SHKBP1: variants seen among roughly 807,000 people sequenced by gnomAD.
The protein encoded by SHKBP1 is SH3KBP1-binding protein 1.
SHKBP1 carries 71 observed loss-of-function variants against 83.9 expected under a neutral mutation model. The ratio of observed to expected loss-of-function variants is 0.85; its 90% CI spans 0.70 to 1.03. The LOEUF (loss-of-function observed/expected upper bound fraction) is 1.03, where lower values mean the gene tolerates loss of function less well. SHKBP1 is among the 50% of genes least tolerant of loss of function. SHKBP1 has a pLI of 0.00. For missense variants in SHKBP1, 824 were observed against 982.4 expected, an observed-to-expected ratio of 0.84 and a Z score of 2.16; for synonymous variants, 371 against 398.0, an observed-to-expected ratio of 0.93 and a Z score of 0.81.
In SHKBP1 at chr19:40,588,671, C is replaced by T; in HGVS notation, c.1384C>T (p.Arg462Cys). ...HVRTWSVTRF[R>C]GMISTQPGST... ...GCGGACATGGTCTGTGACTCGCTTC[C>T]GCGGCATGATTTCCACCCAGCCCGG... The change falls in exon 14 of 18, where the codon CGC becomes TGC. Residue 462 changes from arginine (R) to cysteine (C), a missense_variant. Transcript: ENST00000291842. 1 of 1,614,176 alleles carries T rather than the reference C, an allele frequency of 6.2e-7. No homozygotes were observed. The highest frequency in any genetic ancestry group is 8.5e-7 in the Non-Finnish European group (1 of 1,180,022).
chr19:40,590,242 A>G lies in SHKBP1; in HGVS notation c.1590-2A>G, dbSNP rs1290783909. 1.3e-6 allele frequency: 2 copies of G among 1,577,944 alleles called. No individual in the cohort carries two copies. The highest frequency in any genetic ancestry group is 2.3e-5 in the East Asian group (1 of 43,130). On this transcript the variant is annotated splice_acceptor_variant, in intron 15 of 17. Coordinates refer to ENST00000291842, the MANE Select transcript of SHKBP1 (RefSeq NM_138392.4). LOFTEE classifies it high-confidence loss of function. The surrounding 1 kb of genome is among the most constrained non-coding windows in gnomAD (Gnocchi z 4.6). Reference sequence around the variant, plus strand: ...GACCACCTCCCCCACTGCACCCCCCAGGGTGTGCTCCGTGCGCTCCGTGGA... The same window carrying G: ...GACCACCTCCCCCACTGCACCCCCCGGGGTGTGCTCCGTGCGCTCCGTGGA...
rs2146000775 is a variant in SHKBP1 at position 40,590,977 on chromosome 19, C to T, written c.1894C>T (p.Leu632Phe). Reference protein sequence around the residue: ...SPSPRISLTSLHSASSNTSLS... With the variant: ...SPSPRISLTSFHSASSNTSLS... ...CACTTACTGTCCTTACTTCCTCAGC[C>T]TCCACTCAGCCTCCAGCAACACCTC... Residue 632 changes from leucine to phenylalanine, a missense_variant and splice_region_variant, in exon 18 of 18, where the codon CTC (leucine) becomes TTC (phenylalanine). Physicochemically the swap from Leu to Phe is conservative, Grantham distance 22. Around this residue, in one of 3 missense-constraint regions of SHKBP1, gnomAD observed 287 missense variants for 322.9 expected, o/e 0.89. Coordinates refer to ENST00000291842, the MANE Select transcript of SHKBP1 (RefSeq NM_138392.4). The surrounding 1 kb of genome is among the most constrained non-coding windows in gnomAD (Gnocchi z 4.6). The T allele has an allele frequency of 6.2e-7, 1 of 1,601,918 alleles. No homozygotes were observed. Among genetic ancestry groups the T allele is most frequent in the East Asian group, 2.2e-5 (1 of 44,474 alleles).
Position 40,586,925 on chromosome 19 carries a change from G to A in SHKBP1, c.1317G>A (p.Ser439=), listed in dbSNP as rs541124541. The A allele has an allele frequency of 2.1e-5, 33 of 1,604,222 alleles. No individual in the cohort carries two copies. In the South Asian group the frequency reaches 2.8e-4, roughly 13 times the overall value. Residue 439 remains serine, a synonymous_variant, in exon 13 of 18, where the codon TCG becomes TCA. Transcript: ENST00000291842. ...GCCCTGTCACCAAGATCATGCTGTC[G>A]GAGAAGCACCTCATCTCAGGTGAGC... ...HRSPVTKIML[S]EKHLISVCAD... is the part of the protein sequence containing the mutation.
intron 14 of SHKBP1, 129 bp from the exon 15 acceptor site, chr19:40,588,953 G>A: frequency 7.8e-7 from 1 of 1,274,090 alleles, no homozygotes; most frequent in Non-Finnish European, 1.1e-6. Flanking sequence ...GCCCTCTCTG[G>A]CCCTGCCCAA....
intron 13 of SHKBP1, 37 bp from the exon 14 acceptor site, chr19:40,588,587 A>C (rs1046570460): frequency 1.2e-6 from 2 of 1,612,988 alleles, no homozygotes; most frequent in African/African-American, 2.7e-5. Flanking sequence ...TGATGCCTGC[A>C]CCAGGCCTGA....
At position 40,577,286 on chromosome 19, in the gene SHKBP1, T is replaced by G. The variant is rs754040827; in HGVS notation, c.140+2T>G. On this transcript the variant is annotated splice_donor_variant, in intron 2 of 17. Transcript: ENST00000291842. LOFTEE classifies it high-confidence loss of function. ...GATCCCAGACTCCTTCTTCTCCAGGTGATCGGGAGAGCGAGTTTGGGGCGA... is the reference window on the plus strand; with the variant it reads ...GATCCCAGACTCCTTCTTCTCCAGGGGATCGGGAGAGCGAGTTTGGGGCGA... 2.7e-5 allele frequency: 43 copies of G among 1,613,882 alleles called. No homozygotes were observed. The highest frequency in any genetic ancestry group is 3.6e-5 in the Non-Finnish European group (42 of 1,179,982).
In SHKBP1 at chr19:40,588,604, G is replaced by A. The variant is rs555957964; in HGVS notation, c.1337-20G>A. On this transcript the variant is annotated intron_variant, in intron 13 of 17. Coordinates refer to ENST00000291842, the MANE Select transcript of SHKBP1 (RefSeq NM_138392.4). ...ATGCCTGCACCAGGCCTGACTTCCTGCTCTCCTTGTGCCCCTCAGTCTGTG... is the reference window on the plus strand; with the variant it reads ...ATGCCTGCACCAGGCCTGACTTCCTACTCTCCTTGTGCCCCTCAGTCTGTG... The A allele has an allele frequency of 8.2e-5, 133 of 1,613,912 alleles. 2 individuals are homozygous for A. The South Asian group carries it at 1.4e-3, about 17-fold the overall frequency.
In SHKBP1 at chr19:40,577,235, A is replaced by G. The variant is rs1422666551; in HGVS notation, c.91A>G (p.Ser31Gly). ...IHLNVGGKRFSTSRQTLTWIP... is the reference protein window; with the variant it reads ...IHLNVGGKRFGTSRQTLTWIP... Reference sequence around the variant, plus strand: ...CCGTTTACCTTCCCCGCCCAGATTCAGTACCTCTCGCCAGACTCTCACCTG... The same window carrying G: ...CCGTTTACCTTCCCCGCCCAGATTCGGTACCTCTCGCCAGACTCTCACCTG... Residue 31 changes from serine (S) to glycine (G), a missense_variant, in exon 2 of 18, where the codon AGT (serine) becomes GGT (glycine). Ser to Gly is a moderately conservative substitution (Grantham distance 56). Transcript: ENST00000291842. The G allele has an allele frequency of 1.9e-6, 3 of 1,613,482 alleles. No homozygotes were observed. Among genetic ancestry groups the G allele is most frequent in the Admixed American group, 1.7e-5 (1 of 59,976 alleles).
rs1337434922 is a variant in SHKBP1, at chr19:40,590,183, G to A, written c.1590-61G>A. On this transcript the variant is annotated intron_variant, in intron 15 of 17. Coordinates refer to ENST00000291842, the MANE Select transcript of SHKBP1 (RefSeq NM_138392.4). The surrounding 1 kb of genome is among the most constrained non-coding windows in gnomAD (Gnocchi z 4.6). ...GCAGGAACTGCAGCCACAGTGGTGG[G>A]GACTGGGACGAGGAAGGGTGAGAAA... 1.4e-5 allele frequency: 20 copies of A among 1,478,112 alleles called. No individual in the cohort carries two copies. The highest frequency in any genetic ancestry group is 1.7e-5 in the Non-Finnish European group (19 of 1,108,922). The allele number at this position is 1,478,112 out of a possible 1,614,324, so 91.6% of individuals were successfully genotyped here. A position where few individuals can be genotyped will look rare whatever the true frequency, so the allele number is the denominator to read the frequency against.
chr19:40,577,991 A>T (rs933378605), intron 4 of SHKBP1, 163 bp from the exon 5 acceptor site: 81 of 672,478 alleles, frequency 1.2e-4, no homozygotes, highest in East Asian at 9.4e-4. Flanking sequence ...ACACACACAC[A>T]CTCAACATTT....
rs747203565 is a variant in SHKBP1, at chr19:40,590,730, C to G, written c.1769C>G (p.Ala590Gly). ...CTGACCCTGCTTCCGTGCCCCCCAG[C>G]AGGTGGCCTGACGGAGCAAGAGCTG... ...TAMDGLGQAPAGGLTEQELME... is the reference protein window; with the variant it reads ...TAMDGLGQAPGGGLTEQELME... The change falls in exon 17 of 18, where the codon GCA (alanine) becomes GGA (glycine). Residue 590 changes from alanine to glycine, a missense_variant and splice_region_variant. Around this residue, in one of 3 missense-constraint regions of SHKBP1, gnomAD observed 287 missense variants for 322.9 expected, o/e 0.89. Transcript: ENST00000291842. This position sits in a 1 kb window ranked among gnomAD's most constrained non-coding sequence, Gnocchi z 4.6. The G allele has an allele frequency of 1.9e-6, 3 of 1,587,298 alleles. No homozygotes were observed. The Admixed American group carries it at 5.1e-5, about 27-fold the overall frequency.
In SHKBP1 at chr19:40,590,306, AG is replaced by A. The variant is rs762062972; in HGVS notation, c.1655del (p.Gly552AlafsTer27). 6.2e-7 allele frequency: 1 copy of A among 1,609,464 alleles called. No individual in the cohort carries two copies. The highest frequency in any genetic ancestry group is 1.1e-5 in the South Asian group (1 of 90,270). ...PTTAFTVLEC[E>X]GSRRLGSRPR... ...ACAGCCTTCACAGTGCTGGAGTGCGAGGGCTCCCGGCGGCTCGGCTCTCGGC... is the reference window on the plus strand; with the variant it reads ...ACAGCCTTCACAGTGCTGGAGTGCGAGGCTCCCGGCGGCTCGGCTCTCGGC... On this transcript the variant is annotated frameshift_variant, in exon 16 of 18. Transcript: ENST00000291842. LOFTEE classifies it high-confidence loss of function. This position sits in a 1 kb window ranked among gnomAD's most constrained non-coding sequence, Gnocchi z 4.6.
Position 40,580,850 on chromosome 19 carries a change from G to A in SHKBP1, c.758G>A (p.Gly253Asp), listed in dbSNP as rs762538613. ...LTARVHGGALGEHDKMVAAAT... is the reference protein window; with the variant it reads ...LTARVHGGALDEHDKMVAAAT... ...GCCCGGGTGCATGGTGGGGCTTTGG[G>A]TGAACATGACAAGATGGTGGCAGCA... The change falls in exon 9 of 18, where the codon GGT becomes GAT. Residue 253 changes from glycine to aspartate, a missense_variant. By Grantham distance (94) the Gly-to-Asp change is moderately conservative. This residue lies in a region of SHKBP1 where 355 missense variants were observed against 386.4 expected (regional missense o/e 0.92). Transcript: ENST00000291842. The A allele has an allele frequency of 1.9e-6, 3 of 1,613,462 alleles. No homozygotes were observed. Among genetic ancestry groups the A allele is most frequent in the Non-Finnish European group, 2.5e-6 (3 of 1,179,774 alleles).
chr19:40,580,168 G>A (rs1366980025), intron 6 of SHKBP1, 156 bp from the exon 7 acceptor site: 6 of 813,570 alleles, frequency 7.4e-6, no homozygotes, highest in African/African-American at 1.7e-5. Context: ...ATGTGGTTCA[G>A]TGTCATTTCA....
At position 40,590,629 on chromosome 19, in the gene SHKBP1, T is replaced by C. The variant is rs79848143; in HGVS notation, c.1769-101T>C. 5.0e-3 allele frequency: 7,227 copies of C among 1,439,046 alleles called. 290 individuals carry two copies. In the African/African-American group the frequency reaches 0.087, roughly 17 times the overall value. 89.1% of individuals were successfully genotyped at this position (1,439,046 alleles called of 1,614,324 possible). A position where few individuals can be genotyped will look rare whatever the true frequency, so the allele number is the denominator to read the frequency against. On this transcript the variant is annotated intron_variant, in intron 16 of 17. Coordinates refer to ENST00000291842, the MANE Select transcript of SHKBP1 (RefSeq NM_138392.4). The surrounding 1 kb of genome is among the most constrained non-coding windows in gnomAD (Gnocchi z 4.6). The stretch of plus-strand genomic sequence containing the variant: ...CCCCCATGCATTGATCTCTGCTTCC[T>C]CTCTCCTGTCCTGACCCTCGGTGCT...
Position 40,590,817 on chromosome 19 carries a change from G to A in SHKBP1, c.1856G>A (p.Cys619Tyr). Residue 619 changes from cysteine to tyrosine, a missense_variant, in exon 17 of 18, where the codon TGT becomes TAT. Physicochemically the swap from Cys to Tyr is radical, Grantham distance 194. This residue lies in a region of SHKBP1 where 287 missense variants were observed against 322.9 expected (regional missense o/e 0.89). Transcript: ENST00000291842. The surrounding 1 kb of genome is among the most constrained non-coding windows in gnomAD (Gnocchi z 4.6). ...PPAPSAPSWG[C>Y]LPSPSPRISL... is the part of the protein sequence containing the mutation. The stretch of plus-strand genomic sequence containing the variant: ...GCTCCTTCAGCTCCCTCATGGGGCT[G>A]TCTCCCCAGCCCCTCACCCCGCATC... 1 of 1,598,390 alleles carries A rather than the reference G, an allele frequency of 6.3e-7. No individual in the cohort carries two copies. Among genetic ancestry groups the A allele is most frequent in the African/African-American group, 1.3e-5 (1 of 74,766 alleles).
chr19:40,585,251 A>T (rs947114867), intron 12 of SHKBP1, among the ~76,000 whole-genome samples: 3 of 152,006 alleles, frequency 2.0e-5, no homozygotes, highest in African/African-American at 7.2e-5. Context: ...AACCACAGGC[A>T]TGCATCACCA....
At position 40,590,893 on chromosome 19, in the gene SHKBP1, A is replaced by G; in HGVS notation, c.1892+40A>G. The G allele has an allele frequency of 6.4e-7, 1 of 1,569,472 alleles. No individual in the cohort carries two copies. The highest frequency in any genetic ancestry group is 1.7e-4 in the Middle Eastern group (1 of 5,876). ...ACTGCCCCTTCTGTGCAATGAGGGG[A>G]GAGGGGACAGCATGGTGTTCCCGGG... On this transcript the variant is annotated intron_variant, in intron 17 of 17. Coordinates refer to ENST00000291842, the MANE Select transcript of SHKBP1 (RefSeq NM_138392.4). This position sits in a 1 kb window ranked among gnomAD's most constrained non-coding sequence, Gnocchi z 4.6.
chr19:40,589,845 G>A (rs1327541537), intron 15 of SHKBP1, among the ~76,000 whole-genome samples: 2 of 152,046 alleles, frequency 1.3e-5, no homozygotes, highest in African/African-American at 4.8e-5. Context: ...GTGCAGATGC[G>A]GGCGGGCCTT....
Sources: allele counts gnomAD v4.1 joint callset (sites outside exome capture counted in the v4.1 genomes callset), GRCh38; gene constraint gnomAD v4.1.1; regional missense constraint gnomAD v4.1.1; non-coding constraint Gnocchi (gnomAD v3.1); transcripts MANE v1.5; gene names NCBI Gene and HGNC (gene_info 2026-07-23, HGNC 2026-07-21).